The following DPP10 variants were observed in gnomAD, a reference collection of about 807,000 sequenced individuals.
DPP10 encodes the protein dipeptidyl peptidase like 10.
DPP10 carries 33 observed loss-of-function variants against 120.9 expected under a neutral mutation model. That is an observed-to-expected ratio of 0.27 (90% CI 0.21 to 0.37). DPP10 has a LOEUF of 0.37. DPP10 is among the 10% of genes least tolerant of loss of function. The pLI is 1.00. For synonymous variants in DPP10, 337 were observed against 326.1 expected (o/e 1.03, Z -0.36); for missense variants, 816 against 942.8 (o/e 0.87, Z 1.76).
chr2:114,743,240 A>T (rs748340609), intron 1 of DPP10, among the ~76,000 whole-genome samples: 1 of 152,202 alleles, frequency 6.6e-6, no homozygotes, highest in Non-Finnish European at 1.5e-5. Flanking sequence ...ATTTATAATT[A>T]TGGTGTTCAA....
In DPP10 at chr2:115,303,351, A is replaced by G. The variant is rs541746565; in HGVS notation, c.61-5888A>G. On this transcript the variant is annotated intron_variant, in intron 1 of 25. Coordinates refer to ENST00000410059, the MANE Select transcript of DPP10 (RefSeq NM_020868.6). Reference sequence around the variant, plus strand: ...AGTTATCTCAGTTCCTTTTATGCTTATTAATCTAATATAGCTTGTAAATGT... The same window carrying G: ...AGTTATCTCAGTTCCTTTTATGCTTGTTAATCTAATATAGCTTGTAAATGT... Among the ~76,000 whole-genome samples, 15 of 152,016 alleles carry G rather than the reference A, an allele frequency of 9.9e-5. No individual in the cohort carries two copies. The South Asian group carries it at 3.1e-3, about 31-fold the overall frequency.
At chr2:114,711,697 T>C (rs551147794) in intron 1 of DPP10, among the ~76,000 whole-genome samples, 2 of 152,346 alleles carry the variant, frequency 1.3e-5, no homozygotes, top group African/African-American at 4.8e-5. Flanking sequence ...AATTATTTTT[T>C]TTTTGTGATA....
intron 1 of DPP10, among the ~76,000 whole-genome samples, chr2:114,644,364 G>T (rs182808944): frequency 9.9e-5 from 15 of 151,340 alleles, no homozygotes; most frequent in Admixed American, 8.5e-4. Flanking sequence ...GTGTGTGTGT[G>T]TCTGTGTGTG....
intron 1 of DPP10, among the ~76,000 whole-genome samples, chr2:114,517,198 G>A (rs1225140927): frequency 2.0e-5 from 3 of 152,026 alleles, no homozygotes; most frequent in South Asian, 2.1e-4. Flanking sequence ...ATCATTTCAC[G>A]GACAAGTTCC....
At chr2:114,930,597 A>T (rs1225938113) in intron 1 of DPP10, among the ~76,000 whole-genome samples, 1 of 152,208 alleles carries the variant, frequency 6.6e-6, no homozygotes, top group African/African-American at 2.4e-5. Context: ...TTTCTATCAG[A>T]ATTTTCATCA....
chr2:115,354,743 C>A (rs975380285), intron 3 of DPP10, among the ~76,000 whole-genome samples: 1 of 151,858 alleles, frequency 6.6e-6, no homozygotes, highest in Non-Finnish European at 1.5e-5. Flanking sequence ...TTGTTCCCCT[C>A]CCTGTGTCCA....
chr2:114,770,895 T>G (rs1681191024), intron 1 of DPP10, among the ~76,000 whole-genome samples: 1 of 152,110 alleles, frequency 6.6e-6, no homozygotes, highest in Non-Finnish European at 1.5e-5. Context: ...TGGCCACATC[T>G]CCTTGATATC....
At chr2:115,494,023 A>C (rs2076265714) in intron 3 of DPP10, among the ~76,000 whole-genome samples, 1 of 152,116 alleles carries the variant, frequency 6.6e-6, no homozygotes, top group Non-Finnish European at 1.5e-5. Context: ...ACATTGGCTC[A>C]ATGCAACCTC....
At chr2:114,989,680 C>G (rs1007723120) in intron 1 of DPP10, among the ~76,000 whole-genome samples, 1 of 152,116 alleles carries the variant, frequency 6.6e-6, no homozygotes, top group Non-Finnish European at 1.5e-5. Flanking sequence ...AGAAACTGGA[C>G]TGGGGAGATT....
At chr2:115,042,226 T>A (rs1704707287) in intron 1 of DPP10, among the ~76,000 whole-genome samples, 2 of 152,180 alleles carry the variant, frequency 1.3e-5, no homozygotes, top group Non-Finnish European at 2.9e-5. Context: ...ACATTTTATC[T>A]GCCATAGAGT....
At chr2:114,897,203 T>A (rs1421299393) in intron 1 of DPP10, among the ~76,000 whole-genome samples, 2 of 152,226 alleles carry the variant, frequency 1.3e-5, no homozygotes, top group Admixed American at 1.3e-4. Flanking sequence ...TTCAATTTTT[T>A]GGTTGTGTCT....
At chr2:114,682,197 C>G (rs1294369755) in intron 1 of DPP10, among the ~76,000 whole-genome samples, 3 of 151,982 alleles carry the variant, frequency 2.0e-5, no homozygotes, top group Non-Finnish European at 2.9e-5. Context: ...CCCATCCTCT[C>G]TCTGAAGGGG....
chr2:115,737,715 A>G (rs1328243651), intron 8 of DPP10, among the ~76,000 whole-genome samples: 2 of 152,196 alleles, frequency 1.3e-5, no homozygotes, highest in East Asian at 1.9e-4. Flanking sequence ...AGAACAGAGA[A>G]CATATGTCAA....
intron 1 of DPP10, among the ~76,000 whole-genome samples, chr2:115,163,208 G>A (rs960408553): frequency 1.3e-5 from 2 of 152,192 alleles, no homozygotes; most frequent in East Asian, 3.9e-4. Context: ...GCACTGAAGA[G>A]CCTCTTAAGG....
chr2:115,727,526 G>A (rs1185456489), intron 7 of DPP10, among the ~76,000 whole-genome samples: 1 of 152,084 alleles, frequency 6.6e-6, no homozygotes, highest in Admixed American at 6.5e-5. Context: ...CAATTTTGTG[G>A]TATGGAGAGA....
chr2:115,453,378 A>G (rs1441986298), intron 3 of DPP10, among the ~76,000 whole-genome samples: 1 of 151,574 alleles, frequency 6.6e-6, no homozygotes, highest in Non-Finnish European at 1.5e-5. Flanking sequence ...AATAAACAAA[A>G]TCACAGTGTT....
At position 114,606,107 on chromosome 2, in the gene DPP10, G is replaced by T. The variant is rs181909077; in HGVS notation, c.60+163269G>T. Among the ~76,000 whole-genome samples, 6 of 152,208 alleles carry T rather than the reference G, an allele frequency of 3.9e-5. No homozygotes were observed. In the East Asian group the frequency reaches 1.2e-3, roughly 29 times the overall value. The stretch of plus-strand genomic sequence containing the variant: ...TAAAAGATATTTAGTATTCAATAAA[G>T]CTTGCAGTTCTTTACCTTAATGTTG... On this transcript the variant is annotated intron_variant, in intron 1 of 25. Coordinates refer to ENST00000410059, the MANE Select transcript of DPP10 (RefSeq NM_020868.6).
At chr2:115,535,697 C>G (rs2078781818) in intron 5 of DPP10, among the ~76,000 whole-genome samples, 1 of 150,762 alleles carries the variant, frequency 6.6e-6, no homozygotes, top group African/African-American at 2.4e-5. Flanking sequence ...TGTAAATTAC[C>G]TTGGGCAGTA....
chr2:115,384,764 C>T, intron 3 of DPP10, among the ~76,000 whole-genome samples: 1 of 151,548 alleles, frequency 6.6e-6, no homozygotes, highest in East Asian at 1.9e-4. Flanking sequence ...AAAAGAAGAA[C>T]CTGCAACTCT....
Sources: allele counts gnomAD v4.1 joint callset (sites outside exome capture counted in the v4.1 genomes callset), GRCh38; gene constraint gnomAD v4.1.1; transcripts MANE v1.5; gene names NCBI Gene and HGNC (gene_info 2026-07-23, HGNC 2026-07-21).